UBR3: variants seen among roughly 807,000 people sequenced by gnomAD.
UBR3 encodes ubiquitin protein ligase E3 component n-recognin 3.
UBR3 carries 85 observed loss-of-function variants against 243.2 expected under a neutral mutation model. The observed-to-expected ratio is 0.35, with a 90% CI of 0.29 to 0.42. UBR3 has a LOEUF of 0.42. Among genes scored for constraint, UBR3 ranks in the 10% least tolerant of loss-of-function variants. The pLI is 1.00. For synonymous variants in UBR3, 748 were observed against 799.8 expected (o/e 0.94, Z 1.09); for missense variants, 1,686 against 2,300.8 (o/e 0.73, Z 5.47).
intron 18 of UBR3, among the ~76,000 whole-genome samples, chr2:169,931,903 A>G (rs1231583859): frequency 6.6e-6 from 1 of 152,152 alleles, no homozygotes; most frequent in Non-Finnish European, 1.5e-5. Flanking sequence ...TATACTTAAT[A>G]CTTAAAATCA....
In UBR3 at chr2:169,937,192, C is replaced by T. The variant is rs375200818; in HGVS notation, c.2663+4184C>T. Among the ~76,000 whole-genome samples the T allele has an allele frequency of 1.7e-3, 254 of 152,268 alleles. 1 individual carries two copies. The highest frequency in any genetic ancestry group is 5.2e-3 in the South Asian group (25 of 4,828). The stretch of plus-strand genomic sequence containing the variant: ...TGTTGTTTCCTGACTTTTTAATGAT[C>T]GCCATTCTAACTGGTGTGAGATGGT... On this transcript the variant is annotated intron_variant, in intron 19 of 38. Coordinates refer to ENST00000272793, the MANE Select transcript of UBR3 (RefSeq NM_172070.4).
intron 8 of UBR3, among the ~76,000 whole-genome samples, 172 bp from the exon 9 acceptor site, chr2:169,904,942 A>G (rs1259655710): frequency 6.6e-6 from 1 of 152,178 alleles, no homozygotes; most frequent in Non-Finnish European, 1.5e-5. Flanking sequence ...ATAAATGAAG[A>G]AATTGATTCA....
At chr2:169,958,007 T>A (rs1381950961) in intron 23 of UBR3, among the ~76,000 whole-genome samples, 1 of 152,220 alleles carries the variant, frequency 6.6e-6, no homozygotes, top group Non-Finnish European at 1.5e-5. Flanking sequence ...TTCCTATCTT[T>A]TAGACTTTGT....
At chr2:170,070,088 C>T (rs2091665329) in intron 35 of UBR3, among the ~76,000 whole-genome samples, 1 of 152,082 alleles carries the variant, frequency 6.6e-6, no homozygotes, top group Non-Finnish European at 1.5e-5. Context: ...ATTCACTCAT[C>T]CATCAATGGA....
At chr2:170,068,170 C>A (rs1483376618) in intron 35 of UBR3, among the ~76,000 whole-genome samples, 1 of 151,788 alleles carries the variant, frequency 6.6e-6, no homozygotes, top group Non-Finnish European at 1.5e-5. Flanking sequence ...ACTTCAAATA[C>A]TTTATTTGAA....
Position 169,875,767 on chromosome 2 carries a change from AT to A in UBR3, c.686-16del, listed in dbSNP as rs750363789. The A allele has an allele frequency of 3.3e-6, 5 of 1,495,416 alleles. No individual in the cohort carries two copies. The East Asian group carries it at 7.5e-5, about 22-fold the overall frequency. 92.6% of individuals were successfully genotyped at this position (1,495,416 alleles called of 1,614,324 possible). On this transcript the variant is annotated intron_variant, in intron 2 of 38. Coordinates refer to ENST00000272793, the MANE Select transcript of UBR3 (RefSeq NM_172070.4). ...TTTTAAACAAAATTACCCTTATTTG[AT>A]TTTTTTTCTTTTTTTCTTTTAGCAG...
intron 1 of UBR3, among the ~76,000 whole-genome samples, chr2:169,862,732 T>G (rs558158895): frequency 9.2e-5 from 14 of 152,230 alleles, no homozygotes; most frequent in Non-Finnish European, 1.5e-4. Context: ...ATGTTTATGG[T>G]ATGCCTTTTA....
chr2:170,023,864 T>C (rs1250503102), intron 30 of UBR3, among the ~76,000 whole-genome samples: 5 of 150,792 alleles, frequency 3.3e-5, no homozygotes, highest in Admixed American at 6.6e-5. Flanking sequence ...GCGTAAGCCA[T>C]TGTGCCCGGC....
chr2:170,025,950 G>T (rs552069419), intron 30 of UBR3, among the ~76,000 whole-genome samples: 1 of 152,250 alleles, frequency 6.6e-6, no homozygotes, highest in African/African-American at 2.4e-5. Flanking sequence ...GTTAGTCTGG[G>T]TGTATTGATT....
intron 27 of UBR3, among the ~76,000 whole-genome samples, chr2:170,003,172 A>G (rs1000009121): frequency 7.6e-4 from 116 of 152,110 alleles, no homozygotes; most frequent in Non-Finnish European, 2.2e-4. Flanking sequence ...TGCCTTCCTC[A>G]CTCATCTTGA....
chr2:170,079,719 C>A, intron 36 of UBR3, 95 bp from the exon 37 acceptor site: 1 of 1,111,416 alleles, frequency 9.0e-7, no homozygotes, highest in East Asian at 2.6e-5. Context: ...TTCTTGGAGG[C>A]AGATTTTTCT....
intron 33 of UBR3, among the ~76,000 whole-genome samples, chr2:170,058,389 G>C (rs2091383614): frequency 6.6e-6 from 1 of 152,052 alleles, no homozygotes; most frequent in Non-Finnish European, 1.5e-5. Context: ...CATCATTCCA[G>C]TTAGTGTAAC....
chr2:169,893,153 A>G (rs866297244), intron 6 of UBR3, among the ~76,000 whole-genome samples: 2 of 152,332 alleles, frequency 1.3e-5, no homozygotes, highest in Middle Eastern at 3.4e-3. Flanking sequence ...CACCTATTTT[A>G]AGAACAACAA....
At chr2:169,996,740 T>C (rs886128652) in intron 26 of UBR3, among the ~76,000 whole-genome samples, 1 of 140,052 alleles carries the variant, frequency 7.1e-6, no homozygotes, top group African/African-American at 2.6e-5. Context: ...ATCGCCAGGC[T>C]AGAGTGCAGT....
chr2:169,899,210 C>T (rs900461348), intron 8 of UBR3, among the ~76,000 whole-genome samples: 1 of 143,556 alleles, frequency 7.0e-6, no homozygotes, highest in South Asian at 2.2e-4. Context: ...GGACTCCTGA[C>T]GTCAGGTGAT....
intron 35 of UBR3, 31 bp downstream of exon 35, chr2:170,061,474 T>C (rs1574467039): frequency 2.3e-4 from 2 of 8,808 alleles, no homozygotes; most frequent in South Asian, 0.013. Flanking sequence ...AAGAGGGAGC[T>C]TTTTTTTTTT....
At chr2:169,872,420 A>G (rs746584237) in intron 2 of UBR3, 45 bp downstream of exon 2, 1 of 1,347,024 alleles carries the variant, frequency 7.4e-7, no homozygotes, top group Non-Finnish European at 1.0e-6. Flanking sequence ...TTAAATTGTA[A>G]ATTTACAAAG....
rs893112308 is a variant in UBR3, at chr2:169,846,566, C to T, written c.545+18514C>T. 5.3e-5 allele frequency among the ~76,000 whole-genome samples: 8 copies of T among 152,086 alleles called. 1 individual carries two copies. The East Asian group carries it at 5.8e-4, about 11-fold the overall frequency. ...CTCTACTAAAAAGGCAAAAATTAGCCGGACGTGGTGGCATGTGCCTGTAAT... is the reference window on the plus strand; with the variant it reads ...CTCTACTAAAAAGGCAAAAATTAGCTGGACGTGGTGGCATGTGCCTGTAAT... On this transcript the variant is annotated intron_variant, in intron 1 of 38. Coordinates refer to ENST00000272793, the MANE Select transcript of UBR3 (RefSeq NM_172070.4).
intron 25 of UBR3, among the ~76,000 whole-genome samples, chr2:169,990,716 T>TACAC (rs147119929): frequency 3.2e-4 from 45 of 141,972 alleles, no homozygotes; most frequent in African/African-American, 1.2e-3. Context: ...AAAAAAGTTA[T>TACAC]ACACACACAC....
Sources: gnomAD v4.1 joint callset for allele counts (sites outside exome capture counted in the v4.1 genomes callset) on GRCh38, gnomAD v4.1.1 for gene constraint, MANE v1.5 for transcripts, NCBI Gene and HGNC (gene_info 2026-07-23, HGNC 2026-07-21) for gene names.